Variants in EYS observed in about 807,000 individuals in gnomAD.
EYS encodes the protein protein eyes shut homolog.
A neutral mutation model predicts 282.1 loss-of-function variants in EYS; 250 were observed. The ratio of observed to expected loss-of-function variants is 0.89; its 90% CI spans 0.80 to 0.98. The LOEUF is 0.98. Among genes scored for constraint, EYS ranks in the 50% least tolerant of loss-of-function variants. The pLI is 0.00. For synonymous variants in EYS, 1,355 were observed against 1,282.9 expected (o/e 1.06, Z -1.20); for missense variants, 4,016 against 3,709.0 (o/e 1.08, Z -2.15).
intron 12 of EYS, among the ~76,000 whole-genome samples, chr6:65,171,430 A>C: frequency 6.6e-6 from 1 of 151,566 alleles, no homozygotes; most frequent in East Asian, 2.0e-4. Flanking sequence ...CAATGCTTAC[A>C]TTTCAACTTT....
intron 31 of EYS, among the ~76,000 whole-genome samples, chr6:64,096,174 T>C (rs1772605407): frequency 6.6e-6 from 1 of 152,240 alleles, no homozygotes; most frequent in Non-Finnish European, 1.5e-5. Context: ...TCTCTCTGGC[T>C]GCCCTTAACA....
chr6:65,435,352 T>A (rs890337354), intron 5 of EYS, among the ~76,000 whole-genome samples: 3 of 152,052 alleles, frequency 2.0e-5, no homozygotes, highest in Admixed American at 6.6e-5. Flanking sequence ...ATTTGCTATT[T>A]AGTAGTTCTA....
intron 12 of EYS, among the ~76,000 whole-genome samples, chr6:65,064,849 C>A (rs942446676): frequency 6.6e-6 from 1 of 151,984 alleles, no homozygotes; most frequent in Non-Finnish European, 1.5e-5. Flanking sequence ...ATTGTATATG[C>A]AAACCTTGGA....
intron 36 of EYS, among the ~76,000 whole-genome samples, chr6:63,850,806 T>C (rs1483193292): frequency 6.6e-6 from 1 of 152,140 alleles, no homozygotes; most frequent in African/African-American, 2.4e-5. Context: ...AATGACAAGA[T>C]CAAATTCACA....
At chr6:65,063,664 C>A (rs1042012614) in intron 12 of EYS, among the ~76,000 whole-genome samples, 2 of 152,046 alleles carry the variant, frequency 1.3e-5, no homozygotes, top group Non-Finnish European at 2.9e-5. Context: ...AAGGAAATGT[C>A]TTTTCTCTTC....
chr6:64,769,506 G>A (rs1314518107), intron 22 of EYS, among the ~76,000 whole-genome samples: 2 of 151,836 alleles, frequency 1.3e-5, no homozygotes, highest in African/African-American at 2.4e-5. Flanking sequence ...GCTAGCTCAC[G>A]AGCAGTACAA....
At chr6:64,183,411 A>G (rs1044708996) in intron 31 of EYS, among the ~76,000 whole-genome samples, 8 of 152,136 alleles carry the variant, frequency 5.3e-5, no homozygotes, top group Admixed American at 3.9e-4. Context: ...TAAGGTGAGG[A>G]CTTTACCTCA....
intron 30 of EYS, among the ~76,000 whole-genome samples, chr6:64,237,679 T>A (rs1766657920): frequency 6.6e-6 from 1 of 152,140 alleles, no homozygotes; most frequent in Non-Finnish European, 1.5e-5. Context: ...AATGGAAAAA[T>A]GACTTCAAAA....
chr6:64,180,791 G>A (rs1489736424), intron 31 of EYS, among the ~76,000 whole-genome samples: 1 of 152,124 alleles, frequency 6.6e-6, no homozygotes, highest in African/African-American at 2.4e-5. Context: ...AATGGGCTAT[G>A]TAATCTTTTG....
intron 26 of EYS, among the ~76,000 whole-genome samples, chr6:64,563,638 G>A (rs973977792): frequency 2.6e-5 from 4 of 151,996 alleles, no homozygotes; most frequent in Non-Finnish European, 5.9e-5. Context: ...CAAATCTTAT[G>A]AAATATCGAC....
At chr6:63,828,583 A>C (rs148286349) in intron 36 of EYS, among the ~76,000 whole-genome samples, 1,997 of 152,320 alleles carry the variant, frequency 0.013, 34 homozygotes, top group African/African-American at 0.046. Flanking sequence ...TACATCTGAC[A>C]AAGGACTCAT....
chr6:64,419,610 A>G (rs1368999102), intron 28 of EYS, among the ~76,000 whole-genome samples: 1 of 152,334 alleles, frequency 6.6e-6, no homozygotes, highest in Non-Finnish European at 1.5e-5. Context: ...ACTTGCTCCA[A>G]CTGGGAGAAA....
intron 28 of EYS, among the ~76,000 whole-genome samples, chr6:64,423,029 T>C (rs1774287274): frequency 6.6e-6 from 1 of 152,196 alleles, no homozygotes; most frequent in African/African-American, 2.4e-5. Flanking sequence ...TGAATGCCTG[T>C]TTTGTAAATA....
At chr6:65,404,938 G>A (rs1212381007) in intron 6 of EYS, among the ~76,000 whole-genome samples, 2 of 151,712 alleles carry the variant, frequency 1.3e-5, no homozygotes, top group African/African-American at 4.8e-5. Context: ...AAAGCAATAA[G>A]TAGAAATGAA....
chr6:64,099,043 G>C (rs1772734666), intron 31 of EYS, among the ~76,000 whole-genome samples: 1 of 152,038 alleles, frequency 6.6e-6, no homozygotes, highest in African/African-American at 2.4e-5. Context: ...CACTTATAAG[G>C]CCACAGTGAG....
chr6:64,013,551 A>G (rs1768746934), intron 33 of EYS, among the ~76,000 whole-genome samples: 1 of 152,178 alleles, frequency 6.6e-6, no homozygotes, highest in Non-Finnish European at 1.5e-5. Flanking sequence ...AATTTTGCAT[A>G]TCTTTCCCAA....
At chr6:65,429,950 T>C (rs1312458363) in intron 5 of EYS, among the ~76,000 whole-genome samples, 1 of 152,198 alleles carries the variant, frequency 6.6e-6, no homozygotes, top group Non-Finnish European at 1.5e-5. Context: ...TTTACATGGA[T>C]AGCTGTTTTA....
intron 15 of EYS, among the ~76,000 whole-genome samples, chr6:64,925,755 G>T (rs1248294776): frequency 6.6e-6 from 1 of 152,076 alleles, no homozygotes; most frequent in East Asian, 1.9e-4. Context: ...CAGGTGGTGG[G>T]TTGGGTTGTA....
At chr6:65,471,564 T>A (rs1765219167) in intron 5 of EYS, among the ~76,000 whole-genome samples, 3 of 152,222 alleles carry the variant, frequency 2.0e-5, no homozygotes, top group Non-Finnish European at 4.4e-5. Context: ...CACTAACTCC[T>A]GCTTTGACAT....
Sources: gnomAD v4.1 joint callset for allele counts (sites outside exome capture counted in the v4.1 genomes callset) on GRCh38, gnomAD v4.1.1 for gene constraint, MANE v1.5 for transcripts, NCBI Gene and HGNC (gene_info 2026-07-23, HGNC 2026-07-21) for gene names.